The following GALNT13 variants were observed in gnomAD, a reference collection of about 807,000 sequenced individuals.
The protein encoded by GALNT13 is UDP-GalNAc:polypeptide N-acetylgalactosaminyltransferase 13.
GALNT13 carries 28 observed loss-of-function variants against 64.2 expected under a neutral mutation model. The ratio of observed to expected loss-of-function variants is 0.44; its 90% CI spans 0.32 to 0.60. The LOEUF (loss-of-function observed/expected upper bound fraction) is 0.60. Among genes scored for constraint, GALNT13 ranks in the 20% least tolerant of loss-of-function variants. The pLI, the probability that GALNT13 is intolerant of heterozygous loss-of-function variation, is 0.05. For synonymous variants in GALNT13, 214 were observed against 224.6 expected (o/e 0.95, Z 0.42); for missense variants, 577 against 669.8 (o/e 0.86, Z 1.53).
At chr2:153,326,564 C>G in the GALNT13 span, among the ~76,000 whole-genome samples, 1 of 152,066 alleles carries the variant, frequency 6.6e-6, no homozygotes, top group Non-Finnish European at 1.5e-5. Flanking sequence ...TTAGTTGATG[C>G]AGTTTCTTCA....
At chr2:153,478,589 A>C in the GALNT13 span, 442 of 1,493,370 alleles carry the variant, frequency 3.0e-4, no homozygotes, top group African/African-American at 4.1e-4. Flanking sequence ...GGGCGCCGCG[A>C]GCGGCGCGGG....
the GALNT13 span, chr2:153,357,491 C>T: frequency 6.6e-6 from 1 of 152,162 alleles, no homozygotes; most frequent in Non-Finnish European, 1.5e-5. Flanking sequence ...AGAAGTTCTA[C>T]TTGCCTGTGT....
intron 3 of GALNT13, among the ~76,000 whole-genome samples, chr2:154,011,566 C>T (rs1696639088): frequency 6.6e-6 from 1 of 152,216 alleles, no homozygotes; most frequent in Non-Finnish European, 1.5e-5. Context: ...GTGAAGAGTT[C>T]TGTAGATTAT....
At chr2:154,317,376 G>A (rs1694379069) in intron 9 of GALNT13, among the ~76,000 whole-genome samples, 1 of 152,072 alleles carries the variant, frequency 6.6e-6, no homozygotes, top group South Asian at 2.1e-4. Context: ...TTGATTTTTA[G>A]TGAAGTAAGC....
At chr2:154,439,721 A>G (rs1701185681) in intron 12 of GALNT13, among the ~76,000 whole-genome samples, 1 of 152,174 alleles carries the variant, frequency 6.6e-6, no homozygotes, top group African/African-American at 2.4e-5. Flanking sequence ...GTAGTTTCTT[A>G]AGTTGAATAC....
chr2:153,517,245 C>G, the GALNT13 span, among the ~76,000 whole-genome samples: 154 of 152,274 alleles, frequency 1.0e-3, 1 homozygote, highest in African/African-American at 3.5e-3. Context: ...ATATGCTTAC[C>G]TCTATGGCTT....
chr2:153,481,575 T>C, the GALNT13 span, among the ~76,000 whole-genome samples: 2 of 152,234 alleles, frequency 1.3e-5, no homozygotes, highest in Non-Finnish European at 1.5e-5. Flanking sequence ...TGTATTTATT[T>C]AACTAGTGTC....
At chr2:153,162,424 T>A in the GALNT13 span, among the ~76,000 whole-genome samples, 2 of 152,276 alleles carry the variant, frequency 1.3e-5, no homozygotes, top group Admixed American at 1.3e-4. Context: ...AAGGATCCTA[T>A]TCAAACCCTG....
At chr2:153,536,462 G>T in the GALNT13 span, among the ~76,000 whole-genome samples, 86,636 of 150,138 alleles carry the variant, frequency 0.58, 27,713 homozygotes, top group African/African-American at 0.85. Context: ...GTGATTTTGA[G>T]TTTTTTTTTT....
upstream of GALNT13, among the ~76,000 whole-genome samples, chr2:153,870,623 A>C (rs1040779660): frequency 6.6e-6 from 1 of 151,788 alleles, no homozygotes; most frequent in African/African-American, 2.4e-5. Context: ...AGGAGGAGAC[A>C]TTAATACAGT....
chr2:153,525,433 G>A, the GALNT13 span, among the ~76,000 whole-genome samples: 5 of 152,110 alleles, frequency 3.3e-5, no homozygotes, highest in East Asian at 1.9e-4. Flanking sequence ...GGATAGAGCC[G>A]GGGTCCCCAG....
the GALNT13 span, among the ~76,000 whole-genome samples, chr2:153,077,423 A>G: frequency 6.6e-6 from 1 of 151,818 alleles, no homozygotes; most frequent in East Asian, 1.9e-4. Context: ...ACTGAAAGAG[A>G]TCTAGTGCTC....
At chr2:153,478,250 C>G in the GALNT13 span, 5 of 1,612,104 alleles carry the variant, frequency 3.1e-6, no homozygotes, top group Non-Finnish European at 4.2e-6. Context: ...TAGGGCCCCA[C>G]GACCACCGCC....
chr2:153,754,202 C>T, the GALNT13 span, among the ~76,000 whole-genome samples: 2 of 152,170 alleles, frequency 1.3e-5, no homozygotes, highest in Non-Finnish European at 2.9e-5. Context: ...CCACTTGTGG[C>T]CAGGCTAGTA....
At chr2:154,047,497 A>C (rs1349927223) in intron 3 of GALNT13, among the ~76,000 whole-genome samples, 2 of 152,186 alleles carry the variant, frequency 1.3e-5, no homozygotes, top group Non-Finnish European at 2.9e-5. Context: ...AAGCTGGGTA[A>C]CAATGAGTGA....
the GALNT13 span, among the ~76,000 whole-genome samples, chr2:153,289,405 C>A: frequency 6.6e-6 from 1 of 152,168 alleles, no homozygotes; most frequent in Non-Finnish European, 1.5e-5. Context: ...AGCTTCACTG[C>A]ACCTATTTGG....
At chr2:153,252,976 C>T in the GALNT13 span, among the ~76,000 whole-genome samples, 1 of 151,582 alleles carries the variant, frequency 6.6e-6, no homozygotes, top group East Asian at 1.9e-4. Context: ...TCCATATGAA[C>T]TTTAAAGTAG....
chr2:154,443,760 A>G (rs1408191642), intron 12 of GALNT13, among the ~76,000 whole-genome samples: 1 of 152,088 alleles, frequency 6.6e-6, no homozygotes, highest in Non-Finnish European at 1.5e-5. Context: ...ACTCCACGCT[A>G]CATTTTATGT....
intron 4 of GALNT13, among the ~76,000 whole-genome samples, chr2:154,174,354 A>G (rs764399326): frequency 4.6e-5 from 7 of 152,096 alleles, no homozygotes; most frequent in Non-Finnish European, 1.0e-4. Flanking sequence ...CACTACATCT[A>G]TGAAACCACA....
Sources: allele counts gnomAD v4.1 joint callset (sites outside exome capture counted in the v4.1 genomes callset), GRCh38; gene constraint gnomAD v4.1.1; transcripts MANE v1.5; gene names NCBI Gene and HGNC (gene_info 2026-07-23, HGNC 2026-07-21).